Variants in TEX11 observed in about 807,000 individuals in gnomAD.
The protein encoded by TEX11 is testis-expressed protein 11.
In TEX11, 7 loss-of-function variants were observed where a neutral mutation model predicts 84.4. The observed-to-expected ratio is 0.08, with a 90% CI of 0.05 to 0.16. The LOEUF is 0.16. Ranked by LOEUF, TEX11 falls within the 10% of genes least tolerant of loss-of-function variation. TEX11 has a pLI of 1.00. For synonymous variants in TEX11, 264 were observed against 222.8 expected, an observed-to-expected ratio of 1.18 and a Z score of -1.64; for missense variants, 551 against 660.5, an observed-to-expected ratio of 0.83 and a Z score of 1.82.
intron 1 of TEX11, 80 bp from the exon 2 acceptor site, chrX:70,907,890 C>T (rs965456439): frequency 7.3e-5 from 47 of 643,180 alleles, no homozygotes; most frequent in African/African-American, 1.1e-4. Flanking sequence ...AAATGTTTCC[C>T]GTTACTTGTT....
At position 70,688,913 on chromosome X, in the gene TEX11, A is replaced by C. The variant is rs182061331; in HGVS notation, c.1005-6088T>G. 2.5e-3 allele frequency among the ~76,000 whole-genome samples: 274 copies of C among 108,820 alleles called. 6 individuals are homozygous for C. Among genetic ancestry groups the C allele is most frequent in the Admixed American group, 0.025 (245 of 10,000 alleles). The allele number at this position is 108,820 out of a possible 115,157, so 94.5% of individuals were successfully genotyped here. On this transcript the variant is annotated intron_variant, in intron 13 of 29. Transcript: ENST00000374333. ...GTGGAACAACTTCACTAAAGGAAAT[A>C]GGAGGACTAGATACTGACCTAAGTA...
At chrX:70,869,101 AT>A (rs2091616763) in intron 4 of TEX11, among the ~76,000 whole-genome samples, 1 of 102,567 alleles carries the variant, frequency 9.7e-6, no homozygotes, top group Non-Finnish European at 2.0e-5. Context: ...ATAAAATAAA[AT>A]AAAATAAAAT....
intron 17 of TEX11, among the ~76,000 whole-genome samples, chrX:70,640,346 C>T (rs1371124287): frequency 7.8e-4 from 81 of 104,193 alleles, no homozygotes; most frequent in African/African-American, 2.7e-3. Context: ...AAACACTCTG[C>T]AGGATATTAT....
At chrX:70,893,760 C>A (rs938548674) in intron 2 of TEX11, among the ~76,000 whole-genome samples, 2 of 111,228 alleles carry the variant, frequency 1.8e-5, no homozygotes, top group African/African-American at 6.5e-5. Flanking sequence ...ACACAAAAAA[C>A]CCTTCAAAAA....
intron 9 of TEX11, among the ~76,000 whole-genome samples, chrX:70,769,368 C>T (rs908171643): frequency 1.8e-5 from 2 of 111,221 alleles, no homozygotes; most frequent in African/African-American, 6.5e-5. Context: ...TTACTACAAT[C>T]AAGAATAAAA....
intron 9 of TEX11, among the ~76,000 whole-genome samples, chrX:70,758,450 C>T (rs1355909659): frequency 8.9e-6 from 1 of 112,086 alleles, no homozygotes; most frequent in Admixed American, 9.5e-5. Context: ...CAAATTAGAA[C>T]TCAGGATGAA....
chrX:70,762,485 C>T (rs1414519829), intron 9 of TEX11, among the ~76,000 whole-genome samples: 3 of 110,666 alleles, frequency 2.7e-5, no homozygotes, highest in African/African-American at 9.9e-5. Context: ...AGCATTCCTG[C>T]CTGAGCTCCA....
intron 7 of TEX11, among the ~76,000 whole-genome samples, chrX:70,845,761 G>C (rs2091476138): frequency 9.0e-6 from 1 of 111,232 alleles, no homozygotes; most frequent in African/African-American, 3.3e-5. Context: ...CCAGGAGGTG[G>C]AGTTTGCAGT....
At position 70,651,524 on chromosome X, in the gene TEX11, C is replaced by T. The variant is rs1385768042; in HGVS notation, c.1409G>A (p.Arg470Gln). Residue 470 changes from arginine to glutamine, a missense_variant, in exon 17 of 30, where the codon CGA (arginine) becomes CAA (glutamine). Transcript: ENST00000374333. The stretch of plus-strand genomic sequence containing the variant: ...AGTGAAAACGTTCCTAGGGTCATGT[C>T]GTTCAGCTTCTGCCACTGCCTCTTT... ...KAKEAVAEAERHDPRNVFTQF... is the reference protein window; with the variant it reads ...KAKEAVAEAEQHDPRNVFTQF... The T allele has an allele frequency of 5.8e-6, 7 of 1,206,389 alleles. No individual in the cohort carries two copies. The highest frequency in any genetic ancestry group is 1.7e-5 in the African/African-American group (1 of 57,591).
intron 2 of TEX11, among the ~76,000 whole-genome samples, chrX:70,892,259 A>G (rs2091742169): frequency 8.9e-6 from 1 of 111,949 alleles, no homozygotes; most frequent in African/African-American, 3.2e-5. Context: ...AGCACTAAAT[A>G]TGGAAAGGAA....
intron 24 of TEX11, among the ~76,000 whole-genome samples, chrX:70,598,829 T>G (rs1447636578): frequency 8.9e-6 from 1 of 112,206 alleles, no homozygotes; most frequent in Non-Finnish European, 1.9e-5. Context: ...TGATGACATT[T>G]ATACGAAATA....
intron 9 of TEX11, among the ~76,000 whole-genome samples, chrX:70,756,038 G>A (rs994388295): frequency 1.8e-5 from 2 of 112,195 alleles, no homozygotes; most frequent in Non-Finnish European, 3.8e-5. Context: ...GCTTGGCGGG[G>A]GGAGGGGTGT....
intron 2 of TEX11, among the ~76,000 whole-genome samples, chrX:70,903,258 C>T (rs2091813126): frequency 9.0e-6 from 1 of 111,399 alleles, no homozygotes; most frequent in Non-Finnish European, 1.9e-5. Flanking sequence ...ATAGTGAATA[C>T]ATAAACCAGT....
intron 9 of TEX11, among the ~76,000 whole-genome samples, chrX:70,763,133 C>T (rs895313778): frequency 8.9e-6 from 1 of 112,077 alleles, no homozygotes; most frequent in Non-Finnish European, 1.9e-5. Flanking sequence ...ATAAATCATA[C>T]GAAAAAACAC....
intron 11 of TEX11, among the ~76,000 whole-genome samples, chrX:70,730,550 CAAAG>C (rs1178009529): frequency 1.8e-5 from 2 of 111,769 alleles, no homozygotes; most frequent in Admixed American, 9.5e-5. Context: ...TCAAAAGAGA[CAAAG>C]AAGGCCATTA....
At chrX:70,568,765 C>T (rs976351295) in intron 25 of TEX11, among the ~76,000 whole-genome samples, 5 of 111,386 alleles carry the variant, frequency 4.5e-5, no homozygotes, top group African/African-American at 6.5e-5. Flanking sequence ...GAGTTTCTGC[C>T]GAGAGATCAG....
At chrX:70,855,180 G>T (rs1048447164) in intron 5 of TEX11, among the ~76,000 whole-genome samples, 2 of 110,707 alleles carry the variant, frequency 1.8e-5, no homozygotes, top group Non-Finnish European at 3.8e-5. Context: ...AAATTGAGAG[G>T]GGATGGGGAG....
At chrX:70,561,837 T>C (rs2088380242) in intron 25 of TEX11, among the ~76,000 whole-genome samples, 1 of 112,527 alleles carries the variant, frequency 8.9e-6, no homozygotes, top group African/African-American at 3.2e-5. Context: ...GTGAATTTGT[T>C]CCAACATGAT....
chrX:70,836,288 T>C (rs1451806611), intron 7 of TEX11, among the ~76,000 whole-genome samples: 1 of 111,181 alleles, frequency 9.0e-6, no homozygotes, highest in Non-Finnish European at 1.9e-5. Flanking sequence ...TTCTGAGACA[T>C]GACACCAAAA....
Sources: gnomAD v4.1 joint callset for allele counts (sites outside exome capture counted in the v4.1 genomes callset) on GRCh38, gnomAD v4.1.1 for gene constraint, MANE v1.5 for transcripts, NCBI Gene and HGNC (gene_info 2026-07-23, HGNC 2026-07-21) for gene names.